Variants in LYPD6 observed in about 807,000 individuals in gnomAD.
LYPD6 encodes the protein ly6/PLAUR domain-containing protein 6.
A neutral mutation model predicts 22.7 loss-of-function variants in LYPD6; 15 were observed. The observed-to-expected ratio is 0.66, with a 90% CI of 0.44 to 1.02. The LOEUF (loss-of-function observed/expected upper bound fraction) is 1.02, where lower values mean the gene tolerates loss of function less well. Among genes scored for constraint, LYPD6 ranks in the 50% least tolerant of loss-of-function variants. The pLI, the probability that LYPD6 is intolerant of heterozygous loss-of-function variation, is 0.00. For synonymous variants in LYPD6, 72 were observed against 77.5 expected (o/e 0.93, Z 0.37); for missense variants, 189 against 208.4 (o/e 0.91, Z 0.57).
chr2:149,478,306 T>C (rs977924592), downstream of LYPD6, among the ~76,000 whole-genome samples: 1 of 152,008 alleles, frequency 6.6e-6, no homozygotes, highest in African/African-American at 2.4e-5. Flanking sequence ...TTCTGTCAAC[T>C]AAACAAATAG....
intron 1 of LYPD6, among the ~76,000 whole-genome samples, chr2:149,399,845 A>C (rs1044334687): frequency 6.6e-6 from 1 of 152,202 alleles, no homozygotes; most frequent in African/African-American, 2.4e-5. Flanking sequence ...TAATAAAAGG[A>C]TAAATCTTCC....
At chr2:149,417,575 A>G (rs1454258751) in intron 1 of LYPD6, among the ~76,000 whole-genome samples, 1 of 152,168 alleles carries the variant, frequency 6.6e-6, no homozygotes, top group Non-Finnish European at 1.5e-5. Context: ...ACTGTCTAGA[A>G]CAATTCTGGG....
At chr2:149,351,471 C>T (rs552966091) in intron 1 of LYPD6, among the ~76,000 whole-genome samples, 7 of 151,484 alleles carry the variant, frequency 4.6e-5, no homozygotes, top group South Asian at 2.1e-4. Context: ...TATCCTGGGC[C>T]GTAGATGTTA....
At chr2:149,331,825 C>T (rs1680944371) in intron 1 of LYPD6, among the ~76,000 whole-genome samples, 1 of 152,162 alleles carries the variant, frequency 6.6e-6, no homozygotes, top group South Asian at 2.1e-4. Context: ...CAGGGGGAAG[C>T]TTATTTCTTG....
chr2:149,348,851 G>C (rs1466191283), intron 1 of LYPD6, among the ~76,000 whole-genome samples: 1 of 152,192 alleles, frequency 6.6e-6, no homozygotes, highest in African/African-American at 2.4e-5. Context: ...TAGCAGTCCA[G>C]GTGTTGGCTT....
chr2:149,442,691 A>C (rs2105155921), intron 2 of LYPD6, among the ~76,000 whole-genome samples: 1 of 152,224 alleles, frequency 6.6e-6, no homozygotes. Flanking sequence ...TCAATTAGCA[A>C]GTTACTGGAG....
At chr2:149,466,715 A>C (rs1329686165) in intron 3 of LYPD6, among the ~76,000 whole-genome samples, 3 of 152,196 alleles carry the variant, frequency 2.0e-5, no homozygotes, top group Non-Finnish European at 4.4e-5. Flanking sequence ...ATAATTCACT[A>C]CTTGGGGGAA....
At chr2:149,371,283 G>A (rs1205548356) in intron 1 of LYPD6, among the ~76,000 whole-genome samples, 1 of 152,074 alleles carries the variant, frequency 6.6e-6, no homozygotes, top group Non-Finnish European at 1.5e-5. Context: ...GGCCCAAAAT[G>A]GACTCATCCT....
At chr2:149,455,123 G>A (rs759297300) in intron 3 of LYPD6, among the ~76,000 whole-genome samples, 2 of 152,080 alleles carry the variant, frequency 1.3e-5, no homozygotes, top group Non-Finnish European at 2.9e-5. Context: ...ACAATGGCAG[G>A]CCTGTGCTTT....
In LYPD6 at chr2:149,446,623, A is replaced by G. The variant is rs550188516; in HGVS notation, c.119-2426A>G. 3.0e-3 allele frequency among the ~76,000 whole-genome samples: 454 copies of G among 152,314 alleles called. 1 individual carries two copies. Among genetic ancestry groups the G allele is most frequent in the African/African-American group, 0.01 (427 of 41,570 alleles). ...ATGGAGTGGTTGGATGGCTGTGTCT[A>G]AGCTGCTTTCCATCATTTTGTAAAA... On this transcript the variant is annotated intron_variant, in intron 2 of 4. Coordinates refer to ENST00000334166, the MANE Select transcript of LYPD6 (RefSeq NM_194317.5).
chr2:149,435,874 A>T (rs1179394795), intron 1 of LYPD6, among the ~76,000 whole-genome samples: 1 of 152,248 alleles, frequency 6.6e-6, no homozygotes, highest in Non-Finnish European at 1.5e-5. Context: ...CTGTTGTCTA[A>T]CAATTTGCCA....
intron 1 of LYPD6, among the ~76,000 whole-genome samples, chr2:149,345,068 T>A (rs1573730680): frequency 1.3e-5 from 2 of 151,726 alleles, no homozygotes; most frequent in African/African-American, 4.8e-5. Flanking sequence ...TTAAAAAAAA[T>A]AAAAAGAGAG....
chr2:149,424,356 A>G (rs962061034), intron 1 of LYPD6, among the ~76,000 whole-genome samples: 27 of 152,322 alleles, frequency 1.8e-4, no homozygotes, highest in Middle Eastern at 3.4e-3. Flanking sequence ...ATAATAACTA[A>G]TGAAAGCTAT....
intron 1 of LYPD6, among the ~76,000 whole-genome samples, chr2:149,373,924 G>T (rs1484243601): frequency 6.6e-6 from 1 of 152,132 alleles, no homozygotes; most frequent in Non-Finnish European, 1.5e-5. Flanking sequence ...GTTGCTGTGG[G>T]AAACTATTTT....
At chr2:149,433,445 T>C (rs1683360584) in intron 1 of LYPD6, among the ~76,000 whole-genome samples, 1 of 152,182 alleles carries the variant, frequency 6.6e-6, no homozygotes, top group Non-Finnish European at 1.5e-5. Flanking sequence ...AAGTAAAAAT[T>C]CTTTTTCTTT....
chr2:149,392,451 A>G (rs1054341050), intron 1 of LYPD6, among the ~76,000 whole-genome samples: 1 of 152,200 alleles, frequency 6.6e-6, no homozygotes, highest in African/African-American at 2.4e-5. Context: ...ACTGCAAGTA[A>G]GAGGAAAGTG....
At chr2:149,379,858 G>A (rs1266335692) in intron 1 of LYPD6, among the ~76,000 whole-genome samples, 1 of 152,180 alleles carries the variant, frequency 6.6e-6, no homozygotes, top group African/African-American at 2.4e-5. Context: ...CCCTTGAGAA[G>A]CTTCAATCTG....
chr2:149,380,063 T>C (rs1187785502), intron 1 of LYPD6, among the ~76,000 whole-genome samples: 2 of 152,078 alleles, frequency 1.3e-5, no homozygotes, highest in African/African-American at 2.4e-5. Context: ...AGGAGGCAAA[T>C]GCCACAGGTA....
chr2:149,334,756 A>AT (rs34573058), intron 1 of LYPD6, among the ~76,000 whole-genome samples: 6,058 of 143,292 alleles, frequency 0.042, 293 homozygotes, highest in African/African-American at 0.12. Context: ...GCAAGTAACG[A>AT]TTTTTTTTTT....
Sources: gnomAD v4.1 joint callset for allele counts (sites outside exome capture counted in the v4.1 genomes callset) on GRCh38, gnomAD v4.1.1 for gene constraint, MANE v1.5 for transcripts, NCBI Gene and HGNC (gene_info 2026-07-23, HGNC 2026-07-21) for gene names.